The following CDKL4 variants were observed in gnomAD, a reference collection of about 807,000 sequenced individuals.
CDKL4 encodes the protein cyclin-dependent kinase-like 4.
CDKL4 carries 44 observed loss-of-function variants against 42.0 expected under a neutral mutation model. That is an observed-to-expected ratio of 1.05 (90% CI 0.82 to 1.35). The LOEUF (loss-of-function observed/expected upper bound fraction) is 1.35. Among genes scored for constraint, CDKL4 ranks in the 40% most tolerant of loss-of-function variants. CDKL4 has a pLI of 0.00. For synonymous variants in CDKL4, 120 were observed against 121.6 expected (o/e 0.99, Z 0.09); for missense variants, 393 against 369.9 (o/e 1.06, Z -0.51).
At chr2:39,246,904 T>A (rs1204702775), upstream of CDKL4, among the ~76,000 whole-genome samples, 1 of 152,174 alleles carries the variant, frequency 6.6e-6, no homozygotes, top group Non-Finnish European at 1.5e-5. Context: ...TGTGCCATTA[T>A]ACTTGGCTAA....
upstream of CDKL4, among the ~76,000 whole-genome samples, chr2:39,244,152 T>C (rs1679805672): frequency 6.6e-6 from 1 of 152,242 alleles, no homozygotes; most frequent in Non-Finnish European, 1.5e-5. Context: ...ACGCCTCCTA[T>C]GCCTGGGCTC....
intron 3 of CDKL4, 47 bp downstream of exon 3, chr2:39,225,792 G>A: frequency 6.4e-7 from 1 of 1,553,550 alleles, no homozygotes; most frequent in Non-Finnish European, 8.7e-7. Context: ...CACAGAAAAT[G>A]AAACTGAGAA....
At chr2:39,208,059 G>A (rs1236760518) in intron 4 of CDKL4, among the ~76,000 whole-genome samples, 5 of 151,942 alleles carry the variant, frequency 3.3e-5, no homozygotes, top group South Asian at 2.1e-4. Context: ...CTGTAGTTGC[G>A]CCACTGGACC....
At chr2:39,204,638 T>A (rs1677056619) in intron 4 of CDKL4, 21 bp from the exon 5 acceptor site, 2 of 1,285,512 alleles carry the variant, frequency 1.6e-6, no homozygotes, top group African/African-American at 3.0e-5. Flanking sequence ...ATTATTTGAT[T>A]ATTTTTCTGA....
chr2:39,201,661 A>G (rs1196650158), intron 5 of CDKL4, among the ~76,000 whole-genome samples: 2 of 152,186 alleles, frequency 1.3e-5, no homozygotes, highest in African/African-American at 4.8e-5. Flanking sequence ...AAATAATGGC[A>G]TTTGCAGCAA....
In CDKL4 at chr2:39,218,643, G is replaced by A. The variant is rs116183924; in HGVS notation, c.291-5171C>T. On this transcript the variant is annotated intron_variant, in intron 3 of 9. Coordinates refer to ENST00000451199, the Ensembl canonical transcript of CDKL4. ...GCAGGCAGGCATCATCAAACCCGTT[G>A]AAGGCCTGGATACAACAAAACGGTA... Among the ~76,000 whole-genome samples the A allele has an allele frequency of 6.3e-3, 965 of 152,298 alleles. 3 individuals are homozygous for A. Among genetic ancestry groups the A allele is most frequent in the Non-Finnish European group, 0.011 (724 of 68,024 alleles).
intron 3 of CDKL4, among the ~76,000 whole-genome samples, chr2:39,218,815 T>C (rs1449522432): frequency 6.6e-6 from 1 of 152,186 alleles, no homozygotes; most frequent in Non-Finnish European, 1.5e-5. Flanking sequence ...GACCATCGGC[T>C]TTCCTGGTTC....
At chr2:39,213,008 G>A (rs1677680824) in intron 4 of CDKL4, among the ~76,000 whole-genome samples, 1 of 152,074 alleles carries the variant, frequency 6.6e-6, no homozygotes, top group Non-Finnish European at 1.5e-5. Context: ...AGGGGTCACT[G>A]GCACTATGGC....
chr2:39,214,471 T>A (rs548247890), intron 3 of CDKL4, among the ~76,000 whole-genome samples: 53 of 152,328 alleles, frequency 3.5e-4, no homozygotes, highest in African/African-American at 1.3e-3. Context: ...TAGTCTCTAT[T>A]GATGAGCAGT....
chr2:39,229,723 A>G (rs1275756671), intron 1 of CDKL4, 135 bp from the exon 2 acceptor site: 9 of 453,210 alleles, frequency 2.0e-5, no homozygotes, highest in South Asian at 9.5e-5. Flanking sequence ...AAATATTTGG[A>G]TATTATTTTG....
intron 1 of CDKL4, among the ~76,000 whole-genome samples, chr2:39,242,922 AC>A (rs1413262234): frequency 6.6e-6 from 1 of 151,548 alleles, no homozygotes; most frequent in African/African-American, 2.4e-5. Flanking sequence ...ATGTGGTGAA[AC>A]CCCATTTCTT....
intron 3 of CDKL4, among the ~76,000 whole-genome samples, chr2:39,224,999 T>C (rs1201155884): frequency 6.6e-6 from 1 of 152,224 alleles, no homozygotes; most frequent in Non-Finnish European, 1.5e-5. Context: ...GTTTTTCTTA[T>C]TACATTACAT....
intron 5 of CDKL4, among the ~76,000 whole-genome samples, chr2:39,195,351 C>T (rs1572964358): frequency 6.6e-6 from 1 of 152,114 alleles, no homozygotes; most frequent in African/African-American, 2.4e-5. Flanking sequence ...TACAGTGATT[C>T]TATGTTTAAT....
chr2:39,175,881 G>A (rs561661705), exon 10 of CDKL4: 1 of 378,446 alleles, frequency 2.6e-6, no homozygotes, highest in African/African-American at 2.1e-5. Flanking sequence ...AACAATTCTA[G>A]AAGGCATCTT....
chr2:39,222,138 TGA>T (rs1374978800), intron 3 of CDKL4, among the ~76,000 whole-genome samples: 2 of 152,140 alleles, frequency 1.3e-5, no homozygotes, highest in East Asian at 3.9e-4. Flanking sequence ...TATACTCTAG[TGA>T]GAGAGAGTAT....
intron 1 of CDKL4, among the ~76,000 whole-genome samples, chr2:39,238,903 C>T (rs953490684): frequency 3.3e-5 from 5 of 152,154 alleles, no homozygotes; most frequent in Non-Finnish European, 4.4e-5. Flanking sequence ...AGGCATGTGC[C>T]ACCATGCCCA....
chr2:39,233,897 T>A (rs199752166), intron 1 of CDKL4, among the ~76,000 whole-genome samples: 35 of 114,566 alleles, frequency 3.1e-4, no homozygotes, highest in Admixed American at 1.1e-3. Flanking sequence ...TATATATATA[T>A]AAATTTTATT....
chr2:39,243,013 T>A (rs1452231745), intron 1 of CDKL4, among the ~76,000 whole-genome samples: 1 of 146,716 alleles, frequency 6.8e-6, no homozygotes, highest in Non-Finnish European at 1.5e-5. Flanking sequence ...GGCAAGAGGA[T>A]CGCTGAACCT....
intron 5 of CDKL4, among the ~76,000 whole-genome samples, chr2:39,202,172 C>A (rs998353965): frequency 6.6e-6 from 1 of 151,932 alleles, no homozygotes; most frequent in South Asian, 2.1e-4. Flanking sequence ...GTGGAGTTTG[C>A]GGTGAGCCGA....
Sources: allele counts gnomAD v4.1 joint callset (sites outside exome capture counted in the v4.1 genomes callset), GRCh38; gene constraint gnomAD v4.1.1; transcripts MANE v1.5; gene names NCBI Gene and HGNC (gene_info 2026-07-23, HGNC 2026-07-21).